MAF: variants seen among roughly 807,000 people sequenced by gnomAD.
MAF encodes MAF bZIP transcription factor, also known as transcription factor Maf.
Under a neutral mutation model 22.0 loss-of-function variants are expected in MAF, and 10 were observed. The ratio of observed to expected loss-of-function variants is 0.45; its 90% CI spans 0.28 to 0.77. The LOEUF (loss-of-function observed/expected upper bound fraction) is 0.77, where lower values mean the gene tolerates loss of function less well. Among genes scored for constraint, MAF ranks in the 30% least tolerant of loss-of-function variants. MAF has a pLI of 0.12. For synonymous variants in MAF, 337 were observed against 255.8 expected, an observed-to-expected ratio of 1.32 and a Z score of -3.03; for missense variants, 544 against 548.4, an observed-to-expected ratio of 0.99 and a Z score of 0.08.
chr16:79,504,157 C>T, the MAF span, among the ~76,000 whole-genome samples: 64 of 152,212 alleles, frequency 4.2e-4, no homozygotes, highest in African/African-American at 1.4e-3. Context: ...TTAACTTGGC[C>T]GTTATGCTGT....
At chr16:79,519,652 G>A in the MAF span, among the ~76,000 whole-genome samples, 101 of 152,356 alleles carry the variant, frequency 6.6e-4, 2 homozygotes, top group East Asian at 0.019. Flanking sequence ...CCTGGCAGGA[G>A]TCCAAGCCAG....
At chr16:79,277,135 T>C in the MAF span, among the ~76,000 whole-genome samples, 2 of 152,126 alleles carry the variant, frequency 1.3e-5, no homozygotes, top group Non-Finnish European at 2.9e-5. Flanking sequence ...ACTACTGGGT[T>C]CAAGCGATCC....
the MAF span, among the ~76,000 whole-genome samples, chr16:79,299,347 G>GAAAAAAAAAA: frequency 1.2e-5 from 1 of 86,828 alleles, no homozygotes. Context: ...CAAAGAAAAA[G>GAAAAAAAAAA]AAAAAAAAAA....
the MAF span, among the ~76,000 whole-genome samples, chr16:79,297,144 A>G: frequency 6.6e-6 from 1 of 152,142 alleles, no homozygotes; most frequent in Non-Finnish European, 1.5e-5. Context: ...TGTTAACCTC[A>G]TGTTATAAGG....
the MAF span, among the ~76,000 whole-genome samples, chr16:79,280,837 G>A: frequency 1.2e-4 from 18 of 152,318 alleles, no homozygotes; most frequent in South Asian, 1.9e-3. Context: ...CTAAGACAGC[G>A]TGGGAACATT....
At chr16:79,459,165 T>TG in the MAF span, among the ~76,000 whole-genome samples, 4 of 152,328 alleles carry the variant, frequency 2.6e-5, no homozygotes, top group East Asian at 7.7e-4. Context: ...GAGGCAGAGC[T>TG]GGGGTCAACT....
the MAF span, among the ~76,000 whole-genome samples, chr16:79,490,704 T>C: frequency 6.6e-6 from 1 of 152,216 alleles, no homozygotes; most frequent in African/African-American, 2.4e-5. Context: ...TGGTACATAG[T>C]ACTTTCACTC....
chr16:79,407,142 G>GTCC, the MAF span, among the ~76,000 whole-genome samples: 1 of 152,168 alleles, frequency 6.6e-6, no homozygotes, highest in South Asian at 2.1e-4. Context: ...TTAAGCTGAG[G>GTCC]TCCTGCACAG....
the MAF span, among the ~76,000 whole-genome samples, chr16:79,312,737 C>T: frequency 6.6e-6 from 1 of 152,238 alleles, no homozygotes; most frequent in African/African-American, 2.4e-5. Flanking sequence ...TGTCTTCGTG[C>T]CTGTCTCCCT....
chr16:79,580,322 G>A, the MAF span, among the ~76,000 whole-genome samples: 1 of 152,136 alleles, frequency 6.6e-6, no homozygotes, highest in African/African-American at 2.4e-5. Flanking sequence ...ATGCTACCAA[G>A]TGATCAAAGA....
chr16:79,576,386 G>T, the MAF span, among the ~76,000 whole-genome samples: 4 of 152,134 alleles, frequency 2.6e-5, no homozygotes, highest in African/African-American at 9.7e-5. Context: ...CACCTGAGCT[G>T]GTCCTTCCCC....
chr16:79,259,590 G>A, the MAF span, among the ~76,000 whole-genome samples: 10 of 152,100 alleles, frequency 6.6e-5, no homozygotes, highest in African/African-American at 2.4e-4. Flanking sequence ...AATCATTGCT[G>A]GGTGAAAAAA....
chr16:79,256,351 A>C, the MAF span, among the ~76,000 whole-genome samples: 1 of 150,988 alleles, frequency 6.6e-6, no homozygotes, highest in Non-Finnish European at 1.5e-5. Flanking sequence ...CAGGTAGATC[A>C]CTCTCCCCAC....
chr16:79,371,439 A>T, the MAF span, among the ~76,000 whole-genome samples: 1 of 152,122 alleles, frequency 6.6e-6, no homozygotes, highest in Admixed American at 6.5e-5. Flanking sequence ...GCTCATCTTC[A>T]ACTTGCCACA....
At chr16:79,310,104 C>T in the MAF span, among the ~76,000 whole-genome samples, 350 of 152,214 alleles carry the variant, frequency 2.3e-3, 2 homozygotes, top group African/African-American at 7.0e-3. Context: ...TGAGCATTTC[C>T]CCCCCGATTT....
At chr16:79,227,358 C>G in the MAF span, among the ~76,000 whole-genome samples, 4 of 152,178 alleles carry the variant, frequency 2.6e-5, no homozygotes, top group African/African-American at 7.2e-5. Flanking sequence ...CTCACACAAA[C>G]AAACAAACAA....
the MAF span, among the ~76,000 whole-genome samples, chr16:79,441,867 T>A: frequency 6.6e-6 from 1 of 152,200 alleles, no homozygotes; most frequent in African/African-American, 2.4e-5. Context: ...GGTAAAATTA[T>A]CCTGAATTTA....
the MAF span, among the ~76,000 whole-genome samples, chr16:79,477,715 G>C: frequency 6.6e-6 from 1 of 151,984 alleles, no homozygotes; most frequent in Non-Finnish European, 1.5e-5. Flanking sequence ...GTGGAATTAA[G>C]TGACATTTTT....
the MAF span, among the ~76,000 whole-genome samples, chr16:79,463,438 C>A: frequency 5.3e-5 from 8 of 152,180 alleles, no homozygotes; most frequent in African/African-American, 1.9e-4. Flanking sequence ...CACACAATGA[C>A]AATTTGATTT....
Sources: gnomAD v4.1 joint callset for allele counts (sites outside exome capture counted in the v4.1 genomes callset) on GRCh38, gnomAD v4.1.1 for gene constraint, MANE v1.5 for transcripts, NCBI Gene and HGNC (gene_info 2026-07-23, HGNC 2026-07-21) for gene names.